DAG1: variants seen among roughly 807,000 people sequenced by gnomAD.
The protein encoded by DAG1 is dystroglycan 1.
DAG1 carries 8 observed loss-of-function variants against 46.1 expected under a neutral mutation model. That is an observed-to-expected ratio of 0.17 (90% confidence interval 0.10 to 0.31). DAG1 has a LOEUF of 0.31. Among genes scored for constraint, DAG1 ranks in the 10% least tolerant of loss-of-function variants. The probability of loss-of-function intolerance (pLI) is 1.00; values close to 1 mark genes in which losing one functional copy is unlikely to be tolerated. For synonymous variants in DAG1, 495 were observed against 481.8 expected, an observed-to-expected ratio of 1.03 and a Z score of -0.36; for missense variants, 1,003 against 1,189.9, an observed-to-expected ratio of 0.84 and a Z score of 2.31.
intron 1 of DAG1, among the ~76,000 whole-genome samples, chr3:49,475,438 ACT>A (rs1481718504): frequency 9.9e-6 from 1 of 100,962 alleles, no homozygotes; most frequent in African/African-American, 4.0e-5. Flanking sequence ...ATGGAGTCTC[ACT>A]CTGTTGCCCA....
intron 1 of DAG1, among the ~76,000 whole-genome samples, chr3:49,494,459 C>G (rs540622847): frequency 2.0e-5 from 3 of 152,166 alleles, no homozygotes; most frequent in Admixed American, 2.0e-4. Context: ...GGCCACCAGC[C>G]AGCACACTTT....
At chr3:49,522,257 C>A (rs2051049602) in intron 2 of DAG1, among the ~76,000 whole-genome samples, 1 of 152,056 alleles carries the variant, frequency 6.6e-6, no homozygotes, top group Admixed American at 6.6e-5. Flanking sequence ...GTCTTGAACT[C>A]CTGACCTCAG....
At chr3:49,478,801 CCTTTTTTT>C (rs2049774915) in intron 1 of DAG1, among the ~76,000 whole-genome samples, 1 of 90,442 alleles carries the variant, frequency 1.1e-5, no homozygotes, top group African/African-American at 4.2e-5. Context: ...TCGTCCCCTC[CCTTTTTTT>C]TTTTTTTTTT....
intron 1 of DAG1, among the ~76,000 whole-genome samples, chr3:49,484,556 T>G (rs142914498): frequency 2.6e-5 from 4 of 152,166 alleles, no homozygotes; most frequent in African/African-American, 9.6e-5. Context: ...GCTTTCTTCC[T>G]GTGGAGGGCT....
rs1156926686 is a variant in DAG1 at position 49,531,181 on chromosome 3, A to G, written c.670A>G (p.Asn224Asp). 2 of 1,614,210 alleles carry G rather than the reference A, an allele frequency of 1.2e-6. No individual in the cohort carries two copies. Among genetic ancestry groups the G allele is most frequent in the Admixed American group, 1.7e-5 (1 of 60,028 alleles). The change falls in exon 3 of 3, where the codon AAC (asparagine) becomes GAC (aspartate). Residue 224 changes from asparagine to aspartate, a missense_variant. Transcript: ENST00000308775. This position sits in a 1 kb window ranked among gnomAD's most constrained non-coding sequence, Gnocchi z 7.0. Reference sequence around the variant, plus strand: ...GAGCTTCTCAGAAGTAGAGCTTCACAACATGAAATTAGTGCCGGTGGTGAA... The same window carrying G: ...GAGCTTCTCAGAAGTAGAGCTTCACGACATGAAATTAGTGCCGGTGGTGAA... ...MRSFSEVELHNMKLVPVVNNR... is the reference protein window; with the variant it reads ...MRSFSEVELHDMKLVPVVNNR...
chr3:49,470,956 A>G (rs1209280942), intron 1 of DAG1: 1 of 152,236 alleles, frequency 6.6e-6, no homozygotes, highest in African/African-American at 2.4e-5. Context: ...TTCACTTTGT[A>G]TTTGGCAGAC....
intron 2 of DAG1, among the ~76,000 whole-genome samples, chr3:49,523,898 G>A (rs1454218354): frequency 6.6e-6 from 1 of 152,210 alleles, no homozygotes; most frequent in African/African-American, 2.4e-5. Context: ...GCTGGGATTC[G>A]CAGTGAAAGA....
At chr3:49,526,943 G>A (rs1190770405) in intron 2 of DAG1, among the ~76,000 whole-genome samples, 4 of 152,160 alleles carry the variant, frequency 2.6e-5, no homozygotes, top group Non-Finnish European at 5.9e-5. Context: ...TTTCAAGGAT[G>A]GCTTCGCTGT....
At position 49,532,429 on chromosome 3, in the gene DAG1, C is replaced by T; in HGVS notation, c.1918C>T (p.Arg640Ter). The T allele has an allele frequency of 1.2e-6, 2 of 1,614,192 alleles. No homozygotes were observed. The highest frequency in any genetic ancestry group is 1.7e-6 in the Non-Finnish European group (2 of 1,180,030). The change falls in exon 3 of 3, where the codon CGA becomes TGA. Residue 640 changes from arginine to a stop codon, truncating the protein, a stop_gained. Coordinates refer to ENST00000308775, the MANE Select transcript of DAG1 (RefSeq NM_004393.6). LOFTEE classifies it high-confidence loss of function. The surrounding 1 kb of genome is among the most constrained non-coding windows in gnomAD (Gnocchi z 5.4). ...GAAACTGGCCTTCGCCTTTGGAGAC[C>T]GAAACTGTAGCACCATCACCCTGCA... ...VKKLAFAFGD[R>*]NCSTITLQNI...
rs1481955981 is a variant in DAG1, at chr3:49,530,986, G to A, written c.475G>A (p.Glu159Lys). 1 of 1,614,194 alleles carries A rather than the reference G, an allele frequency of 6.2e-7. No homozygotes were observed. Among genetic ancestry groups the A allele is most frequent in the South Asian group, 1.1e-5 (1 of 91,082 alleles). Residue 159 changes from glutamate (E) to lysine (K), a missense_variant, in exon 3 of 3, where the codon GAA becomes AAA. By Grantham distance (56) the Glu-to-Lys change is moderately conservative. Transcript: ENST00000308775. The stretch of plus-strand genomic sequence containing the variant: ...TGTGTTCTCCATCGAGGTCTACCCT[G>A]AAGACCACAGTGAGCTGCAGTCGGT... Reference protein sequence around the residue: ...SSVFSIEVYPEDHSELQSVRT... With the variant: ...SSVFSIEVYPKDHSELQSVRT...
intron 1 of DAG1, among the ~76,000 whole-genome samples, chr3:49,496,074 G>A (rs1424946445): frequency 6.6e-6 from 1 of 152,190 alleles, no homozygotes; most frequent in Non-Finnish European, 1.5e-5. Context: ...TGTCATCACG[G>A]GGATATGCCC....
chr3:49,473,868 G>C (rs1300879706), intron 1 of DAG1, among the ~76,000 whole-genome samples: 7 of 150,106 alleles, frequency 4.7e-5, no homozygotes, highest in Admixed American at 2.0e-4. Flanking sequence ...ACAGGCGTGA[G>C]CCACTGCGCC....
chr3:49,505,939 G>A (rs901916465), intron 1 of DAG1, among the ~76,000 whole-genome samples: 3 of 150,518 alleles, frequency 2.0e-5, no homozygotes, highest in Non-Finnish European at 3.0e-5. Flanking sequence ...CAAGGTGCTG[G>A]AATTACAGGC....
rs2229010 is a variant in DAG1, at chr3:49,532,284, C to T, written c.1773C>T (p.Phe591=). ...GGGGCCTGTCGGCTGTGGATGCCTTCGAGATCCACGTCCACAGGCGCCCCC... is the reference window on the plus strand; with the variant it reads ...GGGGCCTGTCGGCTGTGGATGCCTTTGAGATCCACGTCCACAGGCGCCCCC... The part of the protein sequence containing the change: ...DKGGLSAVDA[F]EIHVHRRPQG... Residue 591 remains phenylalanine (F), a synonymous_variant, in exon 3 of 3, where the codon TTC becomes TTT. Transcript: ENST00000308775. This position sits in a 1 kb window ranked among gnomAD's most constrained non-coding sequence, Gnocchi z 5.4. 82 of 1,614,100 alleles carry T rather than the reference C, an allele frequency of 5.1e-5. 1 individual carries two copies. Among genetic ancestry groups the T allele is most frequent in the East Asian group, 3.3e-4 (15 of 44,882 alleles).
intron 1 of DAG1, among the ~76,000 whole-genome samples, chr3:49,492,325 G>T (rs2050211188): frequency 6.6e-6 from 1 of 152,158 alleles, no homozygotes; most frequent in African/African-American, 2.4e-5. Context: ...TACAAAATAA[G>T]ACCTTTAAGT....
chr3:49,532,457 A>G lies in DAG1; in HGVS notation c.1946A>G (p.Asn649Ser), dbSNP rs1575413235. 3.1e-6 allele frequency: 5 copies of G among 1,614,106 alleles called. No individual in the cohort carries two copies. Among genetic ancestry groups the G allele is most frequent in the Middle Eastern group, 3.3e-4 (2 of 6,084 alleles). Reference protein sequence around the residue: ...DRNCSTITLQNITRGSIVVEW... With the variant: ...DRNCSTITLQSITRGSIVVEW... Reference sequence around the variant, plus strand: ...AACTGTAGCACCATCACCCTGCAGAATATCACCCGGGGCTCCATCGTGGTG... The same window carrying G: ...AACTGTAGCACCATCACCCTGCAGAGTATCACCCGGGGCTCCATCGTGGTG... The change falls in exon 3 of 3, where the codon AAT becomes AGT. Residue 649 changes from asparagine (N) to serine (S), a missense_variant. Transcript: ENST00000308775. This position sits in a 1 kb window ranked among gnomAD's most constrained non-coding sequence, Gnocchi z 5.4.
At chr3:49,483,632 G>A (rs1467773464) in intron 1 of DAG1, among the ~76,000 whole-genome samples, 1 of 152,140 alleles carries the variant, frequency 6.6e-6, no homozygotes, top group Non-Finnish European at 1.5e-5. Context: ...TGGAGAAAAT[G>A]AGTAAGTTCT....
At chr3:49,520,461 T>A (rs2050998984) in intron 2 of DAG1, among the ~76,000 whole-genome samples, 1 of 152,190 alleles carries the variant, frequency 6.6e-6, no homozygotes, top group African/African-American at 2.4e-5. Context: ...TGGCTGCAGG[T>A]TGGCCCAGCT....
In DAG1 at chr3:49,533,603, T is replaced by C; in HGVS notation, c.*404T>C. On this transcript the variant is annotated 3_prime_UTR_variant, in exon 3 of 3. Coordinates refer to ENST00000308775, the MANE Select transcript of DAG1 (RefSeq NM_004393.6). ...ACACTAACTGTACTGTTTTTTCTAT[T>C]CACGTGTGTCTAGCTGCAGGATGTA... is the stretch of plus-strand genomic sequence containing the variant. The C allele has an allele frequency of 2.7e-6, 1 of 371,134 alleles. No individual in the cohort carries two copies. Among genetic ancestry groups the C allele is most frequent in the Non-Finnish European group, 5.2e-6 (1 of 192,316 alleles). 23.0% of individuals were successfully genotyped at this position (371,134 alleles called of 1,614,324 possible).
Sources: allele counts gnomAD v4.1 joint callset (sites outside exome capture counted in the v4.1 genomes callset), GRCh38; gene constraint gnomAD v4.1.1; non-coding constraint Gnocchi (gnomAD v3.1); transcripts MANE v1.5; gene names NCBI Gene and HGNC (gene_info 2026-07-23, HGNC 2026-07-21).